PPP3CA: variants seen among roughly 807,000 people sequenced by gnomAD.
The protein encoded by PPP3CA is protein phosphatase 3 catalytic subunit alpha, also known as CAM-PRP catalytic subunit.
Under a neutral mutation model 66.5 loss-of-function variants are expected in PPP3CA, and 14 were observed. That is an observed-to-expected ratio of 0.21 (90% CI 0.14 to 0.33). PPP3CA has a LOEUF of 0.33. PPP3CA is among the 10% of genes least tolerant of loss of function. The pLI, the probability that PPP3CA is intolerant of heterozygous loss-of-function variation, is 1.00. For synonymous variants in PPP3CA, 232 were observed against 226.2 expected (o/e 1.03, Z -0.23); for missense variants, 317 against 639.5 (o/e 0.50, Z 5.44).
intron 10 of PPP3CA, among the ~76,000 whole-genome samples, chr4:101,060,452 G>A (rs1465555213): frequency 6.6e-6 from 1 of 152,026 alleles, no homozygotes; most frequent in African/African-American, 2.4e-5. Flanking sequence ...ATTTTGAGGT[G>A]CTTTTGTAAG....
chr4:101,085,528 A>T (rs1729626322), intron 6 of PPP3CA, among the ~76,000 whole-genome samples: 1 of 152,224 alleles, frequency 6.6e-6, no homozygotes, highest in African/African-American at 2.4e-5. Flanking sequence ...GGTTAACAGC[A>T]TTAAGTGAGG....
chr4:101,142,513 C>G (rs552378899), intron 2 of PPP3CA, among the ~76,000 whole-genome samples: 36 of 152,250 alleles, frequency 2.4e-4, no homozygotes, highest in Admixed American at 2.3e-3. Flanking sequence ...CAACACTATA[C>G]AATGCACCCT....
intron 8 of PPP3CA, among the ~76,000 whole-genome samples, chr4:101,079,032 A>G (rs1729309609): frequency 6.6e-6 from 1 of 152,178 alleles, no homozygotes; most frequent in East Asian, 1.9e-4. Flanking sequence ...AGGACCCACT[A>G]TGGTCAAAAC....
chr4:101,036,504 G>A (rs114560945), intron 11 of PPP3CA, among the ~76,000 whole-genome samples: 6,328 of 152,026 alleles, frequency 0.042, 189 homozygotes, highest in Non-Finnish European at 0.07. Context: ...CCCCGCCTCC[G>A]GGGTTTATGG....
chr4:101,050,702 G>GT lies in PPP3CA; in HGVS notation c.1157-10137dup, dbSNP rs1352066063. 3.9e-5 allele frequency among the ~76,000 whole-genome samples: 6 copies of GT among 152,284 alleles called. No individual in the cohort carries two copies. In the East Asian group the frequency reaches 1.2e-3, roughly 29 times the overall value. On this transcript the variant is annotated intron_variant, in intron 10 of 13. Coordinates refer to ENST00000394854, the MANE Select transcript of PPP3CA (RefSeq NM_000944.5). ...ACCAGCTGACTGACCTACTTCACTC[G>GT]TGGTGGCAGAGTTAAATAAGTAATG...
At chr4:101,073,280 T>C (rs1361332410) in intron 8 of PPP3CA, among the ~76,000 whole-genome samples, 1 of 137,898 alleles carries the variant, frequency 7.3e-6, no homozygotes, top group Non-Finnish European at 1.6e-5. Context: ...ACTTACATAC[T>C]TTTTTTTTTT....
chr4:101,214,014 G>A (rs569518362), intron 1 of PPP3CA, among the ~76,000 whole-genome samples: 3 of 152,202 alleles, frequency 2.0e-5, no homozygotes, highest in East Asian at 1.9e-4. Context: ...CAAACCTAGC[G>A]TTAAGACATT....
At chr4:101,194,995 C>T (rs1001630032) in intron 2 of PPP3CA, among the ~76,000 whole-genome samples, 18 of 151,930 alleles carry the variant, frequency 1.2e-4, no homozygotes, top group Admixed American at 3.3e-4. Flanking sequence ...TAAAAAGGCC[C>T]GGAGTGGTGG....
intron 1 of PPP3CA, among the ~76,000 whole-genome samples, chr4:101,270,041 A>G (rs116062350): frequency 6.6e-6 from 1 of 152,282 alleles, no homozygotes; most frequent in African/African-American, 2.4e-5. Context: ...ATGGTAATGA[A>G]AAATACATTT....
intron 1 of PPP3CA, among the ~76,000 whole-genome samples, chr4:101,312,642 T>C (rs1035108157): frequency 4.6e-5 from 7 of 152,108 alleles, no homozygotes; most frequent in South Asian, 2.1e-4. Flanking sequence ...GTTCCTCCTT[T>C]AGTAAAATGT....
At chr4:101,286,718 T>C (rs917455694) in intron 1 of PPP3CA, among the ~76,000 whole-genome samples, 1 of 152,206 alleles carries the variant, frequency 6.6e-6, no homozygotes, top group Non-Finnish European at 1.5e-5. Flanking sequence ...AAACTGGTAG[T>C]TTACACAAAT....
chr4:101,163,782 T>G (rs1723598277), intron 2 of PPP3CA, among the ~76,000 whole-genome samples: 1 of 151,888 alleles, frequency 6.6e-6, no homozygotes, highest in African/African-American at 2.4e-5. Context: ...AAAGCCAATT[T>G]TACATTATTT....
chr4:101,169,886 G>T (rs1723818841), intron 2 of PPP3CA, among the ~76,000 whole-genome samples: 1 of 152,102 alleles, frequency 6.6e-6, no homozygotes, highest in Non-Finnish European at 1.5e-5. Flanking sequence ...TAAATTTGGG[G>T]AGTCAGTTTT....
chr4:101,199,769 T>A (rs1487302640), intron 1 of PPP3CA, among the ~76,000 whole-genome samples: 1 of 152,224 alleles, frequency 6.6e-6, no homozygotes, highest in East Asian at 1.9e-4. Flanking sequence ...GTCAATGACA[T>A]GAAATTGTTT....
In PPP3CA at chr4:101,331,570, C is replaced by G. The variant is rs184648659; in HGVS notation, c.58+15169G>C. On this transcript the variant is annotated intron_variant, in intron 1 of 13. Coordinates refer to ENST00000394854, the MANE Select transcript of PPP3CA (RefSeq NM_000944.5). ...TACAACAGACAAGTAGCAGCACAGA[C>G]AGCTGGTAAGGGTTTCAGAGAAGTT... Among the ~76,000 whole-genome samples, 272 of 152,254 alleles carry G rather than the reference C, an allele frequency of 1.8e-3. 3 individuals carry two copies. Among genetic ancestry groups the G allele is most frequent in the Non-Finnish European group, 9.8e-4 (67 of 68,038 alleles).
At chr4:101,080,952 CAG>C (rs1729415522) in intron 7 of PPP3CA, among the ~76,000 whole-genome samples, 1 of 152,062 alleles carries the variant, frequency 6.6e-6, no homozygotes, top group African/African-American at 2.4e-5. Flanking sequence ...TTAGTGCACA[CAG>C]ATACTTTGTA....
intron 1 of PPP3CA, among the ~76,000 whole-genome samples, chr4:101,216,183 C>T (rs775802165): frequency 5.9e-5 from 9 of 152,080 alleles, no homozygotes; most frequent in Non-Finnish European, 1.2e-4. Context: ...ATAAATTACG[C>T]AGCATTATAA....
chr4:101,266,848 T>C (rs1727183993), intron 1 of PPP3CA, among the ~76,000 whole-genome samples: 1 of 152,326 alleles, frequency 6.6e-6, no homozygotes, highest in African/African-American at 2.4e-5. Context: ...AAGGAGAAAG[T>C]AAGTAGCAAT....
chr4:101,261,449 CT>C (rs1727006785), intron 1 of PPP3CA, among the ~76,000 whole-genome samples: 2 of 152,010 alleles, frequency 1.3e-5, no homozygotes, highest in African/African-American at 4.8e-5. Flanking sequence ...GATATTCTGT[CT>C]ACCATAATGT....
Sources: allele counts gnomAD v4.1 joint callset (sites outside exome capture counted in the v4.1 genomes callset), GRCh38; gene constraint gnomAD v4.1.1; transcripts MANE v1.5; gene names NCBI Gene and HGNC (gene_info 2026-07-23, HGNC 2026-07-21).